Variants in RFX3 observed in about 807,000 individuals in gnomAD.
RFX3 encodes the protein transcription factor RFX3.
In RFX3, 14 loss-of-function variants were observed where a neutral mutation model predicts 98.6. That is an observed-to-expected ratio of 0.14 (90% CI 0.09 to 0.22). The LOEUF (loss-of-function observed/expected upper bound fraction) is 0.22. Ranked by LOEUF, RFX3 falls within the 10% of genes least tolerant of loss-of-function variation. The pLI, the probability that RFX3 is intolerant of heterozygous loss-of-function variation, is 1.00. For synonymous variants in RFX3, 383 were observed against 328.4 expected (o/e 1.17, Z -1.80); for missense variants, 639 against 926.9 (o/e 0.69, Z 4.03).
At chr9:3,477,839 T>C (rs892009165) in intron 1 of RFX3, among the ~76,000 whole-genome samples, 1 of 152,206 alleles carries the variant, frequency 6.6e-6, no homozygotes, top group Non-Finnish European at 1.5e-5. Context: ...TGTTCATTTT[T>C]CTTTCTGATC....
intron 1 of RFX3, among the ~76,000 whole-genome samples, chr9:3,430,379 C>G (rs1010684660): frequency 6.6e-6 from 1 of 152,184 alleles, no homozygotes; most frequent in Admixed American, 6.5e-5. Context: ...GTTGTACTCA[C>G]TGGCAAAACA....
chr9:3,450,895 C>T (rs1265715076), intron 1 of RFX3, among the ~76,000 whole-genome samples: 2 of 152,148 alleles, frequency 1.3e-5, no homozygotes, highest in South Asian at 2.1e-4. Flanking sequence ...ATGGCTAAAA[C>T]TTCCTTTTCT....
chr9:3,414,180 C>G (rs1297626028), intron 1 of RFX3, among the ~76,000 whole-genome samples: 1 of 152,060 alleles, frequency 6.6e-6, no homozygotes, highest in Non-Finnish European at 1.5e-5. Flanking sequence ...AAAGACAAAA[C>G]TAGGACACAC....
At chr9:3,480,917 C>T (rs1294773706) in intron 1 of RFX3, among the ~76,000 whole-genome samples, 1 of 152,094 alleles carries the variant, frequency 6.6e-6, no homozygotes, top group Admixed American at 6.6e-5. Context: ...ATCAACCTAG[C>T]TAGGCTCCAT....
intron 1 of RFX3, among the ~76,000 whole-genome samples, chr9:3,505,184 A>G (rs1260281767): frequency 1.0e-5 from 1 of 97,310 alleles, no homozygotes; most frequent in Non-Finnish European, 1.8e-5. Context: ...ATATAAATAT[A>G]TATATGAATA....
chr9:3,425,783 T>G (rs551394971), intron 1 of RFX3, among the ~76,000 whole-genome samples: 1 of 152,372 alleles, frequency 6.6e-6, no homozygotes, highest in South Asian at 2.1e-4. Flanking sequence ...ATACATATAC[T>G]AGACCATGAG....
At chr9:3,423,926 C>T (rs1034694592) in intron 1 of RFX3, among the ~76,000 whole-genome samples, 5 of 150,910 alleles carry the variant, frequency 3.3e-5, no homozygotes, top group Admixed American at 6.6e-5. Flanking sequence ...GGCGGGGGGA[C>T]CACAAGGTCA....
intron 7 of RFX3, among the ~76,000 whole-genome samples, chr9:3,282,024 G>A (rs747380627): frequency 6.6e-6 from 1 of 151,790 alleles, no homozygotes; most frequent in Non-Finnish European, 1.5e-5. Context: ...ACATCATTAT[G>A]TTTTGTAATT....
intron 2 of RFX3, among the ~76,000 whole-genome samples, chr9:3,381,795 G>T (rs954899730): frequency 6.6e-6 from 1 of 152,076 alleles, no homozygotes; most frequent in Non-Finnish European, 1.5e-5. Context: ...AAGGGAGACA[G>T]AGAAAAAAGA....
At chr9:3,403,114 A>T (rs1331188233) in intron 1 of RFX3, among the ~76,000 whole-genome samples, 1 of 152,116 alleles carries the variant, frequency 6.6e-6, no homozygotes, top group Non-Finnish European at 1.5e-5. Context: ...CTGACAAAAA[A>T]TATATTGAGC....
At chr9:3,408,709 A>G (rs1465888756) in intron 1 of RFX3, among the ~76,000 whole-genome samples, 1 of 152,074 alleles carries the variant, frequency 6.6e-6, no homozygotes, top group African/African-American at 2.4e-5. Context: ...ACAGTACATC[A>G]CACATGCACA....
At chr9:3,511,400 A>T (rs1449207036) in intron 1 of RFX3, among the ~76,000 whole-genome samples, 1 of 151,948 alleles carries the variant, frequency 6.6e-6, no homozygotes, top group African/African-American at 2.4e-5. Context: ...AACTTCTTTC[A>T]TACCAGTCTG....
chr9:3,257,735 G>A (rs1822319377), intron 13 of RFX3, among the ~76,000 whole-genome samples: 3 of 152,206 alleles, frequency 2.0e-5, no homozygotes, highest in Admixed American at 6.5e-5. Context: ...ATATGCTGCT[G>A]TGAGTTATAT....
chr9:3,392,506 C>A (rs926881936), intron 2 of RFX3, among the ~76,000 whole-genome samples: 1 of 146,906 alleles, frequency 6.8e-6, no homozygotes, highest in African/African-American at 2.5e-5. Context: ...GAAAATAGAA[C>A]AAAAAAAGTC....
At chr9:3,236,693 C>T (rs1041014156) in intron 15 of RFX3, among the ~76,000 whole-genome samples, 1 of 152,134 alleles carries the variant, frequency 6.6e-6, no homozygotes, top group African/African-American at 2.4e-5. Context: ...AAGCAGACAC[C>T]ACATTGCTAG....
chr9:3,366,749 T>TCTTC lies in RFX3; in HGVS notation c.118-19986_118-19985insGAAG, dbSNP rs1563994616. ...TTCTTTCTTTCTTTCTTTCTTTCTTTCTTTTTGGCTATTCTTATGTACATT... is the reference window on the plus strand; with the variant it reads ...TTCTTTCTTTCTTTCTTTCTTTCTTTCTTCCTTTTTGGCTATTCTTATGTACATT... On this transcript the variant is annotated intron_variant, in intron 2 of 16. Coordinates refer to ENST00000617270, the MANE Select transcript of RFX3 (RefSeq NM_001282116.2). 2.7e-4 allele frequency among the ~76,000 whole-genome samples: 40 copies of TCTTC among 149,270 alleles called. 1 individual carries two copies. In the East Asian group the frequency reaches 7.3e-3, roughly 27 times the overall value.
rs139117644 is a variant in RFX3, at chr9:3,516,725, ACTCT to A, written c.-9+9018_-9+9021del. On this transcript the variant is annotated intron_variant, in intron 1 of 16. Coordinates refer to ENST00000617270, the MANE Select transcript of RFX3 (RefSeq NM_001282116.2). ...CACACATGCACTAGCTCGCTTTCGC[ACTCT>A]CTCTCTCTCTCTCTCTCTGTTAAAT... Among the ~76,000 whole-genome samples the A allele has an allele frequency of 1.1e-3, 166 of 148,224 alleles. 1 individual carries two copies. In the South Asian group the frequency reaches 0.014, roughly 13 times the overall value.
chr9:3,331,371 T>C lies in RFX3; in HGVS notation c.216-854A>G, dbSNP rs529386895. Reference sequence around the variant, plus strand: ...ATCTATTTTTATTTTCAATTGACTATAACTTCAATTTTAAGAGGATCTTTT... The same window carrying C: ...ATCTATTTTTATTTTCAATTGACTACAACTTCAATTTTAAGAGGATCTTTT... On this transcript the variant is annotated intron_variant, in intron 3 of 16. Transcript: ENST00000617270. 2.0e-5 allele frequency among the ~76,000 whole-genome samples: 3 copies of C among 152,334 alleles called. No individual in the cohort carries two copies. The East Asian group carries it at 5.8e-4, about 29-fold the overall frequency.
intron 2 of RFX3, among the ~76,000 whole-genome samples, chr9:3,382,775 T>C (rs1839326513): frequency 6.6e-6 from 1 of 152,086 alleles, no homozygotes; most frequent in African/African-American, 2.4e-5. Context: ...AGGACAAGAG[T>C]TGATAGGAAA....
Sources: allele counts gnomAD v4.1 joint callset (sites outside exome capture counted in the v4.1 genomes callset), GRCh38; gene constraint gnomAD v4.1.1; transcripts MANE v1.5; gene names NCBI Gene and HGNC (gene_info 2026-07-23, HGNC 2026-07-21).